Variants in MEIS2 observed in about 807,000 individuals in gnomAD.
The protein encoded by MEIS2 is homeobox protein Meis2.
MEIS2 carries 9 observed loss-of-function variants against 58.6 expected under a neutral mutation model. The ratio of observed to expected loss-of-function variants is 0.15; its 90% CI spans 0.09 to 0.27. The LOEUF (loss-of-function observed/expected upper bound fraction) is 0.27. MEIS2 is among the 10% of genes least tolerant of loss of function. MEIS2 has a pLI of 1.00. For missense variants in MEIS2, 427 were observed against 635.0 expected (o/e 0.67, Z 3.52); for synonymous variants, 221 against 228.4 (o/e 0.97, Z 0.29).
chr15:37,000,702 C>T (rs2060691293), intron 8 of MEIS2, among the ~76,000 whole-genome samples: 2 of 152,196 alleles, frequency 1.3e-5, no homozygotes, highest in East Asian at 3.9e-4. Context: ...ATCAATTTGC[C>T]CATATTCTCC....
Position 37,060,352 on chromosome 15 carries a change from G to C in MEIS2, c.755-23393C>G, listed in dbSNP as rs576743112. ...TTAAGAAAGTATATAGTTTTGTTTGGTGTAATCTACAAACTTTAAGGTCTC... is the reference window on the plus strand; with the variant it reads ...TTAAGAAAGTATATAGTTTTGTTTGCTGTAATCTACAAACTTTAAGGTCTC... On this transcript the variant is annotated intron_variant, in intron 7 of 11. Transcript: ENST00000561208. Among the ~76,000 whole-genome samples the C allele has an allele frequency of 5.9e-5, 9 of 152,232 alleles. No homozygotes were observed. In the South Asian group the frequency reaches 1.7e-3, roughly 28 times the overall value.
At chr15:36,976,055 A>C (rs2059738434) in intron 8 of MEIS2, among the ~76,000 whole-genome samples, 1 of 152,184 alleles carries the variant, frequency 6.6e-6, no homozygotes, top group Non-Finnish European at 1.5e-5. Flanking sequence ...AAGGGAAATT[A>C]AAAGGAAAAG....
intron 8 of MEIS2, among the ~76,000 whole-genome samples, chr15:36,977,776 C>T (rs1252286160): frequency 6.6e-6 from 1 of 152,172 alleles, no homozygotes; most frequent in African/African-American, 2.4e-5. Context: ...GCTGGTTGAT[C>T]TTTATCTTCT....
At chr15:37,005,441 G>A (rs550110609) in intron 8 of MEIS2, among the ~76,000 whole-genome samples, 1 of 152,268 alleles carries the variant, frequency 6.6e-6, no homozygotes, top group South Asian at 2.1e-4. Context: ...TTCAGGTGTG[G>A]TGGCAGCAAC....
At chr15:36,992,049 A>G (rs1310828330) in intron 8 of MEIS2, among the ~76,000 whole-genome samples, 7 of 119,710 alleles carry the variant, frequency 5.8e-5, no homozygotes, top group African/African-American at 1.8e-4. Flanking sequence ...GGCCTCCCAA[A>G]GTGCTGGGAT....
At position 36,891,355 on chromosome 15, in the gene MEIS2, C is replaced by T. The variant is rs1463743798; in HGVS notation, c.*818G>A. Reference sequence around the variant, plus strand: ...TATTCTCTTGCTCCTTTTTATCCCCCAAGCTTTGAGTTTCTGATAAAGTCC... The same window carrying T: ...TATTCTCTTGCTCCTTTTTATCCCCTAAGCTTTGAGTTTCTGATAAAGTCC... On this transcript the variant is annotated 3_prime_UTR_variant, in exon 12 of 12. Coordinates refer to ENST00000561208, the MANE Select transcript of MEIS2 (RefSeq NM_170675.5). The T allele has an allele frequency of 6.6e-6, 1 of 152,364 alleles. No individual in the cohort carries two copies. The highest frequency in any genetic ancestry group is 2.4e-5 in the African/African-American group (1 of 41,394). The allele number at this position is 152,364 out of a possible 1,614,324, so 9.4% of individuals were successfully genotyped here.
intron 9 of MEIS2, among the ~76,000 whole-genome samples, chr15:36,931,057 A>G (rs1421207496): frequency 1.3e-5 from 2 of 152,178 alleles, no homozygotes; most frequent in African/African-American, 2.4e-5. Context: ...CCTAATGTCT[A>G]TGTTTGAAAA....
intron 7 of MEIS2, among the ~76,000 whole-genome samples, chr15:37,064,371 T>C (rs903397258): frequency 6.6e-6 from 1 of 152,008 alleles, no homozygotes; most frequent in African/African-American, 2.4e-5. Flanking sequence ...TAAAAACATA[T>C]TTACAACGTA....
intron 7 of MEIS2, among the ~76,000 whole-genome samples, chr15:37,061,047 GT>G (rs1398802670): frequency 6.6e-6 from 1 of 152,154 alleles, no homozygotes; most frequent in East Asian, 1.9e-4. Flanking sequence ...AATAGGCATG[GT>G]TAGGTCCTGT....
chr15:36,898,780 G>A (rs182615066), intron 9 of MEIS2: 2 of 152,246 alleles, frequency 1.3e-5, no homozygotes, highest in South Asian at 2.1e-4. Context: ...TAGTCAGAAT[G>A]TTTACATTAG....
intron 5 of MEIS2, 151 bp from the exon 6 acceptor site, chr15:37,093,881 G>A: frequency 1.1e-6 from 1 of 937,314 alleles, no homozygotes; most frequent in Admixed American, 2.3e-5. Flanking sequence ...ATTAAAGGGT[G>A]TAATAGTTGA....
At chr15:37,013,081 T>C (rs1350326112) in intron 8 of MEIS2, among the ~76,000 whole-genome samples, 1 of 152,132 alleles carries the variant, frequency 6.6e-6, no homozygotes, top group African/African-American at 2.4e-5. Flanking sequence ...TCCCTAGGAC[T>C]CTAGAGGTAG....
chr15:37,083,820 G>A lies in MEIS2; in HGVS notation c.705C>T (p.Pro235=), dbSNP rs1892549724. The change falls in exon 7 of 12, where the codon CCC becomes CCT. Residue 235 remains proline, a synonymous_variant. Coordinates refer to ENST00000561208, the MANE Select transcript of MEIS2 (RefSeq NM_170675.5). ...TSTHSAGTPG[P]SSGGHASQSG... ...TCTGGGAAGCATGGCCCCCACTGGA[G>A]GGCCCTGGGGTGCCTGCTGAGTGGG... is the stretch of plus-strand genomic sequence containing the variant. 6.2e-7 allele frequency: 1 copy of A among 1,614,024 alleles called. No homozygotes were observed. Among genetic ancestry groups the A allele is most frequent in the Non-Finnish European group, 8.5e-7 (1 of 1,179,952 alleles).
intron 8 of MEIS2, among the ~76,000 whole-genome samples, chr15:36,976,868 A>C (rs549038706): frequency 6.6e-6 from 1 of 152,320 alleles, no homozygotes; most frequent in South Asian, 2.1e-4. Context: ...TCACGCCTGT[A>C]ATCCCAGCAC....
At chr15:37,010,169 G>A (rs977944802) in intron 8 of MEIS2, among the ~76,000 whole-genome samples, 6 of 149,978 alleles carry the variant, frequency 4.0e-5, no homozygotes, top group African/African-American at 1.5e-4. Flanking sequence ...CTCACTGCAA[G>A]CTCTGCATCC....
chr15:37,010,889 A>G (rs1312441032), intron 8 of MEIS2, among the ~76,000 whole-genome samples: 1 of 152,218 alleles, frequency 6.6e-6, no homozygotes, highest in Non-Finnish European at 1.5e-5. Flanking sequence ...TGCACCCAAA[A>G]TGATTTAGGG....
chr15:37,043,188 C>T (rs1227794805), intron 7 of MEIS2, among the ~76,000 whole-genome samples: 1 of 152,034 alleles, frequency 6.6e-6, no homozygotes, highest in Non-Finnish European at 1.5e-5. Context: ...CTCATTTCTC[C>T]CTAGTTCTAG....
chr15:36,977,841 G>A (rs2141493735), intron 8 of MEIS2, among the ~76,000 whole-genome samples: 1 of 152,292 alleles, frequency 6.6e-6, no homozygotes. Flanking sequence ...ACACAGTGAA[G>A]GGCATTCAGC....
At chr15:36,980,697 TG>T (rs2059904363) in intron 8 of MEIS2, among the ~76,000 whole-genome samples, 1 of 152,206 alleles carries the variant, frequency 6.6e-6, no homozygotes, top group South Asian at 2.1e-4. Flanking sequence ...CTACTAATTT[TG>T]TTCTTTTATT....
Sources: gnomAD v4.1 joint callset for allele counts (sites outside exome capture counted in the v4.1 genomes callset) on GRCh38, gnomAD v4.1.1 for gene constraint, MANE v1.5 for transcripts, NCBI Gene and HGNC (gene_info 2026-07-23, HGNC 2026-07-21) for gene names.